The following PREX2 variants were observed in gnomAD, a reference collection of about 807,000 sequenced individuals.
PREX2 encodes phosphatidylinositol 3,4,5-trisphosphate-dependent Rac exchanger 2 protein.
Under a neutral mutation model 203.2 loss-of-function variants are expected in PREX2, and 107 were observed. The ratio of observed to expected loss-of-function variants is 0.53; its 90% CI spans 0.45 to 0.62. PREX2 has a LOEUF of 0.62. Among genes scored for constraint, PREX2 ranks in the 20% least tolerant of loss-of-function variants. The pLI is 0.00. For synonymous variants in PREX2, 672 were observed against 663.6 expected, an observed-to-expected ratio of 1.01 and a Z score of -0.19; for missense variants, 1,777 against 1,955.9, an observed-to-expected ratio of 0.91 and a Z score of 1.72.
At chr8:68,228,944 TAAAAAA>T (rs58993264) in intron 39 of PREX2, among the ~76,000 whole-genome samples, 3 of 103,532 alleles carry the variant, frequency 2.9e-5, no homozygotes, top group East Asian at 8.7e-4. Flanking sequence ...CTTGTCTCTT[TAAAAAA>T]AAAAAAAAAA....
At chr8:68,047,494 TATATATATATATACAC>T (rs879744996) in intron 8 of PREX2, among the ~76,000 whole-genome samples, 4,602 of 83,534 alleles carry the variant, frequency 0.055, 119 homozygotes, top group African/African-American at 0.075. Context: ...TATATATATA[TATATATATATATACAC>T]ATACATATAT....
intron 23 of PREX2, chr8:68,100,271 C>T: frequency 2.2e-6 from 1 of 444,826 alleles, no homozygotes; most frequent in Non-Finnish European, 4.4e-6. Context: ...TTAAGTCATT[C>T]ATTTGACATA....
intron 31 of PREX2, among the ~76,000 whole-genome samples, chr8:68,131,760 A>G (rs955942918): frequency 2.0e-5 from 3 of 152,180 alleles, no homozygotes; most frequent in Non-Finnish European, 2.9e-5. Flanking sequence ...ACCAGTGGCA[A>G]AGTTATTAAT....
intron 19 of PREX2, among the ~76,000 whole-genome samples, chr8:68,090,276 T>C (rs531137634): frequency 1.4e-4 from 21 of 152,364 alleles, no homozygotes; most frequent in Middle Eastern, 3.4e-3. Context: ...TATGCATATT[T>C]AGAAAGACTG....
intron 37 of PREX2, among the ~76,000 whole-genome samples, chr8:68,198,152 C>T (rs1332329938): frequency 1.3e-5 from 2 of 152,194 alleles, no homozygotes; most frequent in African/African-American, 4.8e-5. Flanking sequence ...TTGTGAGGCA[C>T]TTTCACCCTT....
chr8:68,030,793 A>G (rs946215926), intron 6 of PREX2, 135 bp downstream of exon 6: 4 of 816,172 alleles, frequency 4.9e-6, no homozygotes, highest in African/African-American at 1.7e-5. Context: ...TCAATTCTGA[A>G]AAGTGCTCAC....
At chr8:68,071,945 T>C (rs1224534732) in intron 13 of PREX2, among the ~76,000 whole-genome samples, 1 of 152,152 alleles carries the variant, frequency 6.6e-6, no homozygotes, top group Admixed American at 6.5e-5. Context: ...TAATCTATTG[T>C]GATTTAAAGA....
intron 6 of PREX2, among the ~76,000 whole-genome samples, chr8:68,034,787 T>C (rs919949405): frequency 1.3e-5 from 2 of 152,166 alleles, no homozygotes; most frequent in African/African-American, 4.8e-5. Flanking sequence ...GTCATGTTTC[T>C]TGTTATTTCA....
At chr8:68,072,726 A>G (rs1472865491) in intron 14 of PREX2, among the ~76,000 whole-genome samples, 156 bp downstream of exon 14, 7 of 152,192 alleles carry the variant, frequency 4.6e-5, no homozygotes, top group Non-Finnish European at 1.0e-4. Context: ...TTGAACCTAG[A>G]TGATCAATTT....
intron 1 of PREX2, among the ~76,000 whole-genome samples, chr8:67,995,227 T>C (rs1405201176): frequency 6.6e-6 from 1 of 152,184 alleles, no homozygotes; most frequent in Non-Finnish European, 1.5e-5. Flanking sequence ...ATTACATTTT[T>C]TGTGATAATA....
At position 68,157,414 on chromosome 8, in the gene PREX2, A is replaced by G. The variant is rs369312096; in HGVS notation, c.4324A>G (p.Lys1442Glu). Residue 1442 changes from lysine to glutamate, a missense_variant, in exon 35 of 40, where the codon AAA becomes GAA. Coordinates refer to ENST00000288368, the MANE Select transcript of PREX2 (RefSeq NM_024870.4). ...QINAASLEKVKQYNQKLRAFY... is the reference protein window; with the variant it reads ...QINAASLEKVEQYNQKLRAFY... ...AAATGCAGCCTCACTGGAAAAGGTCAAACAGTACAACCAGAAGCTCAGGTA... is the reference window on the plus strand; with the variant it reads ...AAATGCAGCCTCACTGGAAAAGGTCGAACAGTACAACCAGAAGCTCAGGTA... The G allele has an allele frequency of 6.2e-7, 1 of 1,608,344 alleles. No homozygotes were observed. Among genetic ancestry groups the G allele is most frequent in the Admixed American group, 1.7e-5 (1 of 59,942 alleles).
intron 8 of PREX2, among the ~76,000 whole-genome samples, chr8:68,047,480 T>TATATATATATATATATAC (rs1563516878): frequency 9.6e-5 from 6 of 62,740 alleles, no homozygotes; most frequent in African/African-American, 5.5e-4. Flanking sequence ...TATATATATA[T>TATATATATATATATATAC]ATATATATAT....
chr8:68,034,112 A>G (rs905993961), intron 6 of PREX2, among the ~76,000 whole-genome samples: 1 of 152,190 alleles, frequency 6.6e-6, no homozygotes, highest in Non-Finnish European at 1.5e-5. Context: ...GGTTTTTGTC[A>G]GCATTTATGT....
Position 68,216,170 on chromosome 8 carries a change from C to A in PREX2, c.4605-1446C>A, listed in dbSNP as rs542265942. Among the ~76,000 whole-genome samples the A allele has an allele frequency of 2.0e-5, 3 of 152,316 alleles. No individual in the cohort carries two copies. The South Asian group carries it at 6.2e-4, about 32-fold the overall frequency. ...ATATTACAACAAGAATGTTTTAAAT[C>A]CCTCTCTCCTCTTTTTCTTAATTAT... On this transcript the variant is annotated intron_variant, in intron 37 of 39. Transcript: ENST00000288368.
chr8:68,118,402 A>G (rs960175654), intron 26 of PREX2, 148 bp from the exon 27 acceptor site: 4 of 572,754 alleles, frequency 7.0e-6, no homozygotes, highest in African/African-American at 1.9e-5. Context: ...AAAAAGTAAG[A>G]TAGACTGAGT....
chr8:68,017,650 A>G (rs566642358), intron 1 of PREX2, among the ~76,000 whole-genome samples, 196 bp from the exon 2 acceptor site: 1 of 152,360 alleles, frequency 6.6e-6, no homozygotes, highest in African/African-American at 2.4e-5. Context: ...CTCTACCCCA[A>G]CATGGTAATG....
chr8:68,192,535 C>A lies in PREX2; in HGVS notation c.4604+10C>A. 2 of 1,576,748 alleles carry A rather than the reference C, an allele frequency of 1.3e-6. No individual in the cohort carries two copies. Among genetic ancestry groups the A allele is most frequent in the East Asian group, 2.3e-5 (1 of 44,052 alleles). On this transcript the variant is annotated intron_variant, in intron 37 of 39. Coordinates refer to ENST00000288368, the MANE Select transcript of PREX2 (RefSeq NM_024870.4). Reference sequence around the variant, plus strand: ...GCAGCGGTGTGCATCGGTATGTGACCCTCCCGCCTTGCTTGCCTCTTTGTT... The same window carrying A: ...GCAGCGGTGTGCATCGGTATGTGACACTCCCGCCTTGCTTGCCTCTTTGTT...
chr8:68,031,707 T>C (rs537268461), intron 6 of PREX2, among the ~76,000 whole-genome samples: 1 of 152,320 alleles, frequency 6.6e-6, no homozygotes, highest in Admixed American at 6.5e-5. Flanking sequence ...ATATTCAGCA[T>C]GAATGCTGCC....
chr8:68,060,662 C>G lies in PREX2; in HGVS notation c.1239-17C>G. On this transcript the variant is annotated splice_polypyrimidine_tract_variant and intron_variant, in intron 10 of 39. Coordinates refer to ENST00000288368, the MANE Select transcript of PREX2 (RefSeq NM_024870.4). ...AAAAATTAACCGTTTAGCTTTTTCA[C>G]TGACTTTCTCTTGCAGCGAATTTGT... 6.3e-7 allele frequency: 1 copy of G among 1,593,000 alleles called. No homozygotes were observed.
Sources: allele counts gnomAD v4.1 joint callset (sites outside exome capture counted in the v4.1 genomes callset), GRCh38; gene constraint gnomAD v4.1.1; transcripts MANE v1.5; gene names NCBI Gene and HGNC (gene_info 2026-07-23, HGNC 2026-07-21).